Variants in KCNN3 observed in about 807,000 individuals in gnomAD.
KCNN3 encodes the protein small conductance calcium-activated potassium channel protein 3.
Under a neutral mutation model 62.9 loss-of-function variants are expected in KCNN3, and 16 were observed. The ratio of observed to expected loss-of-function variants is 0.25; its 90% CI spans 0.17 to 0.39. The LOEUF (loss-of-function observed/expected upper bound fraction) is 0.39, where lower values mean the gene tolerates loss of function less well. Among genes scored for constraint, KCNN3 ranks in the 10% least tolerant of loss-of-function variants. KCNN3 has a pLI of 1.00. For missense variants in KCNN3, 599 were observed against 949.4 expected, an observed-to-expected ratio of 0.63 and a Z score of 4.85; for synonymous variants, 370 against 389.2, an observed-to-expected ratio of 0.95 and a Z score of 0.58.
intron 3 of KCNN3, among the ~76,000 whole-genome samples, chr1:154,762,316 T>G (rs936238315): frequency 1.3e-5 from 2 of 152,176 alleles, no homozygotes; most frequent in Non-Finnish European, 2.9e-5. Context: ...ATAAGAAGAT[T>G]CTCCAGCACT....
chr1:154,818,004 G>A (rs35612271), intron 2 of KCNN3, among the ~76,000 whole-genome samples: 56,051 of 152,058 alleles, frequency 0.37, 12,410 homozygotes, highest in African/African-American at 0.62. Context: ...AGCACGGTCT[G>A]AGAGCTGTTG....
chr1:154,828,267 A>T (rs1267252878), intron 1 of KCNN3, among the ~76,000 whole-genome samples: 1 of 152,164 alleles, frequency 6.6e-6, no homozygotes, highest in African/African-American at 2.4e-5. Flanking sequence ...TCCGAAGTTC[A>T]GTTAAGCCTG....
intron 4 of KCNN3, among the ~76,000 whole-genome samples, chr1:154,730,306 G>T (rs979948022): frequency 1.3e-5 from 2 of 152,180 alleles, no homozygotes; most frequent in Non-Finnish European, 2.9e-5. Context: ...CATTGTTACT[G>T]GGATTGCCAA....
intron 4 of KCNN3, among the ~76,000 whole-genome samples, chr1:154,727,658 T>C (rs1033422357): frequency 1.3e-5 from 2 of 152,252 alleles, no homozygotes; most frequent in African/African-American, 4.8e-5. Flanking sequence ...TCCTCTTTTG[T>C]TCGAGGACGG....
In KCNN3 at chr1:154,699,721, G is replaced by A. The variant is rs1699813533; in HGVS notation, c.*8255C>T. The stretch of plus-strand genomic sequence containing the variant: ...CTTCTCTTGCTATTTTCCTCTAGGG[G>A]AGGGGAGTTCTTACTGGTGAGATGC... On this transcript the variant is annotated 3_prime_UTR_variant, in exon 8 of 8. Coordinates refer to ENST00000271915, the MANE Select transcript of KCNN3 (RefSeq NM_002249.6). 1.3e-5 allele frequency: 2 copies of A among 152,098 alleles called. No homozygotes were observed. The highest frequency in any genetic ancestry group is 3.9e-4 in the East Asian group (2 of 5,190). 9.4% of individuals were successfully genotyped at this position (152,098 alleles called of 1,614,324 possible).
chr1:154,793,294 C>T (rs1255999424), intron 2 of KCNN3, among the ~76,000 whole-genome samples: 1 of 152,230 alleles, frequency 6.6e-6, no homozygotes. Context: ...TTGTGCACCA[C>T]CCCTCCTCTT....
chr1:154,830,548 G>A (rs188361530), intron 1 of KCNN3, among the ~76,000 whole-genome samples: 4 of 152,344 alleles, frequency 2.6e-5, no homozygotes, highest in East Asian at 1.9e-4. Context: ...GACTGGGCCC[G>A]GCACGGGGAA....
intron 2 of KCNN3, among the ~76,000 whole-genome samples, chr1:154,795,852 G>T (rs891947416): frequency 2.0e-5 from 3 of 152,218 alleles, no homozygotes; most frequent in African/African-American, 4.8e-5. Context: ...AGGTTGACTG[G>T]CACAGTGTTC....
chr1:154,867,426 G>C (rs1652996509), intron 1 of KCNN3, among the ~76,000 whole-genome samples: 1 of 152,212 alleles, frequency 6.6e-6, no homozygotes, highest in South Asian at 2.1e-4. Context: ...CCCACTGAGA[G>C]AGCAGCCGGG....
intron 2 of KCNN3, among the ~76,000 whole-genome samples, chr1:154,788,399 C>G (rs1649375170): frequency 6.6e-6 from 1 of 152,232 alleles, no homozygotes; most frequent in Non-Finnish European, 1.5e-5. Context: ...ATTAAAGCTT[C>G]TGAGACTTCT....
At chr1:154,865,560 T>A (rs1399990241) in intron 1 of KCNN3, among the ~76,000 whole-genome samples, 1 of 152,210 alleles carries the variant, frequency 6.6e-6, no homozygotes, top group African/African-American at 2.4e-5. Flanking sequence ...ACTTCCATCA[T>A]CAGCACCTAC....
chr1:154,726,862 G>T (rs1228015298), intron 4 of KCNN3, among the ~76,000 whole-genome samples: 2 of 152,202 alleles, frequency 1.3e-5, no homozygotes, highest in African/African-American at 4.8e-5. Context: ...GAGCCCGGGG[G>T]AGGGTGGGCA....
chr1:154,714,456 T>C, intron 6 of KCNN3, among the ~76,000 whole-genome samples: 1 of 11,248 alleles, frequency 8.9e-5, no homozygotes, highest in Admixed American at 1.1e-3. Context: ...TGTGTGGTGT[T>C]TGTGTGTGGT....
chr1:154,817,513 T>G (rs1650717162), intron 2 of KCNN3, among the ~76,000 whole-genome samples: 1 of 152,180 alleles, frequency 6.6e-6, no homozygotes, highest in Non-Finnish European at 1.5e-5. Flanking sequence ...TAGTCCTATT[T>G]TACAGAAAGG....
rs1699913738 is a variant in KCNN3 at position 154,703,819 on chromosome 1, G to C, written c.*4157C>G. 6.6e-6 allele frequency: 1 copy of C among 152,190 alleles called. No individual in the cohort carries two copies. The highest frequency in any genetic ancestry group is 2.4e-5 in the African/African-American group (1 of 41,434). 9.4% of individuals were successfully genotyped at this position (152,190 alleles called of 1,614,324 possible). A position where few individuals can be genotyped will look rare whatever the true frequency, so the allele number is the denominator to read the frequency against. On this transcript the variant is annotated 3_prime_UTR_variant, in exon 8 of 8. Transcript: ENST00000271915. Reference sequence around the variant, plus strand: ...AACATCAAGGTGTGATCTAGATACAGTCAGTCTGGGCTGCTGTTGATGACA... The same window carrying C: ...AACATCAAGGTGTGATCTAGATACACTCAGTCTGGGCTGCTGTTGATGACA...
intron 1 of KCNN3, among the ~76,000 whole-genome samples, chr1:154,848,449 A>G (rs1223603134): frequency 6.6e-6 from 1 of 151,982 alleles, no homozygotes; most frequent in African/African-American, 2.4e-5. Flanking sequence ...CCCATCCTCC[A>G]TGCTGTGGCT....
intron 5 of KCNN3, among the ~76,000 whole-genome samples, chr1:154,715,614 C>T (rs568312213): frequency 5.5e-5 from 8 of 145,664 alleles, no homozygotes; most frequent in African/African-American, 2.0e-4. Context: ...TCCTTCCTTC[C>T]TTCTTTCTTT....
chr1:154,778,611 CTTTTTTTTTTTTTTTT>C (rs11459390), intron 2 of KCNN3, among the ~76,000 whole-genome samples: 3 of 73,602 alleles, frequency 4.1e-5, no homozygotes, highest in African/African-American at 1.0e-4. Flanking sequence ...CTCTCTGTCT[CTTTTTTTTTTTTTTTT>C]TTTTTTTTTG....
chr1:154,731,137 G>A (rs1700584635), intron 4 of KCNN3, among the ~76,000 whole-genome samples: 1 of 152,250 alleles, frequency 6.6e-6, no homozygotes. Context: ...AGCCCTGGCT[G>A]AGAGCTGGTT....
Sources: allele counts gnomAD v4.1 joint callset (sites outside exome capture counted in the v4.1 genomes callset), GRCh38; gene constraint gnomAD v4.1.1; transcripts MANE v1.5; gene names NCBI Gene and HGNC (gene_info 2026-07-23, HGNC 2026-07-21).